The following WDR70 variants were observed in gnomAD, a reference collection of about 807,000 sequenced individuals.
The protein encoded by WDR70 is WD repeat-containing protein 70.
Under a neutral mutation model 88.6 loss-of-function variants are expected in WDR70, and 53 were observed. The observed-to-expected ratio is 0.60, with a 90% CI of 0.48 to 0.75. The LOEUF (loss-of-function observed/expected upper bound fraction) is 0.75. Ranked by LOEUF, WDR70 falls within the 30% of genes least tolerant of loss-of-function variation. The pLI is 0.00. For synonymous variants in WDR70, 280 were observed against 270.0 expected (o/e 1.04, Z -0.36); for missense variants, 610 against 823.2 (o/e 0.74, Z 3.17).
At position 37,416,800 on chromosome 5, in the gene WDR70, A is replaced by G. The variant is rs191244895; in HGVS notation, c.492+20230A>G. On this transcript the variant is annotated intron_variant, in intron 5 of 17. Transcript: ENST00000265107. Reference sequence around the variant, plus strand: ...TTGCCATCTTGGCCAGGCTGGTCTCAAACTCCTCAAGTGATCTGCCAGCCT... The same window carrying G: ...TTGCCATCTTGGCCAGGCTGGTCTCGAACTCCTCAAGTGATCTGCCAGCCT... 3.1e-3 allele frequency among the ~76,000 whole-genome samples: 477 copies of G among 152,066 alleles called. 1 individual carries two copies. Among genetic ancestry groups the G allele is most frequent in the African/African-American group, 0.011 (447 of 41,490 alleles).
intron 9 of WDR70, among the ~76,000 whole-genome samples, chr5:37,573,656 G>T (rs551249966): frequency 2.9e-4 from 44 of 151,270 alleles, no homozygotes; most frequent in African/African-American, 1.1e-3. Flanking sequence ...TTGCGATAGT[G>T]CCTCTTTTTT....
At chr5:37,723,361 C>T (rs898012813) in intron 15 of WDR70, 2 of 181,778 alleles carry the variant, frequency 1.1e-5, no homozygotes, top group Admixed American at 1.1e-4. Context: ...GGGTCTCTTC[C>T]AGCTTTCTCT....
At chr5:37,603,253 T>C (rs1300170552) in intron 9 of WDR70, among the ~76,000 whole-genome samples, 1 of 151,858 alleles carries the variant, frequency 6.6e-6, no homozygotes, top group African/African-American at 2.4e-5. Context: ...GATTTCAAAA[T>C]AAAAGCTATT....
intron 9 of WDR70, among the ~76,000 whole-genome samples, chr5:37,566,403 T>G (rs1388516800): frequency 1.3e-5 from 2 of 152,112 alleles, no homozygotes; most frequent in Non-Finnish European, 2.9e-5. Flanking sequence ...TACCTCTTGT[T>G]TTTGTTTTGA....
intron 5 of WDR70, among the ~76,000 whole-genome samples, chr5:37,423,745 T>C (rs1033688053): frequency 2.7e-5 from 4 of 150,366 alleles, no homozygotes; most frequent in Admixed American, 2.6e-4. Context: ...TGTGTATTTT[T>C]AGTAGAGATG....
rs185710961 is a variant in WDR70 at position 37,525,312 on chromosome 5, A to G, written c.917+8722A>G. On this transcript the variant is annotated intron_variant, in intron 9 of 17. Transcript: ENST00000265107. ...CCACAGTGCAATCAAACTAGAACTC[A>G]GGATTAAGAAACTCACTCAAAACCG... Among the ~76,000 whole-genome samples, 25 of 152,354 alleles carry G rather than the reference A, an allele frequency of 1.6e-4. 1 individual carries two copies. Among genetic ancestry groups the G allele is most frequent in the Admixed American group, 1.2e-3 (19 of 15,310 alleles).
chr5:37,611,727 G>A (rs1448952177), intron 10 of WDR70, among the ~76,000 whole-genome samples: 2 of 149,778 alleles, frequency 1.3e-5, no homozygotes, highest in Non-Finnish European at 3.0e-5. Context: ...GAAGATGCGT[G>A]AAGAACTCAT....
At chr5:37,747,105 G>A (rs572906619) in intron 17 of WDR70, among the ~76,000 whole-genome samples, 2 of 152,108 alleles carry the variant, frequency 1.3e-5, no homozygotes, top group African/African-American at 4.8e-5. Flanking sequence ...GGGATGCAAG[G>A]CTGGTTCAAC....
At chr5:37,721,473 G>A in intron 14 of WDR70, 2 of 504,114 alleles carry the variant, frequency 4.0e-6, no homozygotes, top group Non-Finnish European at 7.2e-6. Flanking sequence ...TTGAGTGCAA[G>A]GGGGAAAAAC....
intron 10 of WDR70, among the ~76,000 whole-genome samples, chr5:37,687,213 C>G (rs1478995196): frequency 6.6e-6 from 1 of 152,088 alleles, no homozygotes; most frequent in African/African-American, 2.4e-5. Flanking sequence ...TCACCTTTGT[C>G]TCTTTTTCCT....
chr5:37,492,687 G>A (rs1740101623), intron 8 of WDR70, among the ~76,000 whole-genome samples: 1 of 152,096 alleles, frequency 6.6e-6, no homozygotes, highest in South Asian at 2.1e-4. Flanking sequence ...TGAATATATA[G>A]GCAAGGAGAT....
chr5:37,626,776 A>C, intron 10 of WDR70, among the ~76,000 whole-genome samples: 1 of 152,148 alleles, frequency 6.6e-6, no homozygotes, highest in South Asian at 2.1e-4. Flanking sequence ...AAGACCTTTT[A>C]CTACTGATTC....
chr5:37,496,333 C>G (rs573849717), intron 8 of WDR70, among the ~76,000 whole-genome samples: 1 of 152,148 alleles, frequency 6.6e-6, no homozygotes, highest in Non-Finnish European at 1.5e-5. Context: ...ACTCTGGGTC[C>G]GCACTACCTT....
intron 7 of WDR70, among the ~76,000 whole-genome samples, chr5:37,469,683 G>A (rs1210094063): frequency 2.6e-5 from 4 of 152,186 alleles, no homozygotes; most frequent in Admixed American, 2.0e-4. Context: ...TACTCTTTGC[G>A]TTGTAGGAGC....
At chr5:37,548,337 A>G (rs1206964445) in intron 9 of WDR70, among the ~76,000 whole-genome samples, 1 of 152,158 alleles carries the variant, frequency 6.6e-6, no homozygotes, top group African/African-American at 2.4e-5. Flanking sequence ...AAACCATTTT[A>G]ACTGGGGTGA....
intron 10 of WDR70, among the ~76,000 whole-genome samples, chr5:37,680,935 TAG>T (rs1746412359): frequency 3.9e-5 from 6 of 152,158 alleles, no homozygotes; most frequent in Admixed American, 3.9e-4. Flanking sequence ...AATGTTAAAA[TAG>T]AAATAGTTTT....
At chr5:37,704,620 C>T (rs1219511250) in intron 13 of WDR70, among the ~76,000 whole-genome samples, 1 of 152,118 alleles carries the variant, frequency 6.6e-6, no homozygotes, top group Non-Finnish European at 1.5e-5. Flanking sequence ...CTTCTTCTAC[C>T]AGGATGTAAG....
At chr5:37,390,555 T>C (rs188437365) in intron 3 of WDR70, among the ~76,000 whole-genome samples, 1 of 151,964 alleles carries the variant, frequency 6.6e-6, no homozygotes, top group Non-Finnish European at 1.5e-5. Context: ...TTAGCCGGGA[T>C]GGTCTCGATC....
chr5:37,738,040 A>AC (rs533379395), intron 17 of WDR70, among the ~76,000 whole-genome samples: 358 of 151,736 alleles, frequency 2.4e-3, no homozygotes, highest in Middle Eastern at 0.014. Flanking sequence ...AAAAAAAAAA[A>AC]AAACAAACAA....
Sources: allele counts gnomAD v4.1 joint callset (sites outside exome capture counted in the v4.1 genomes callset), GRCh38; gene constraint gnomAD v4.1.1; transcripts MANE v1.5; gene names NCBI Gene and HGNC (gene_info 2026-07-23, HGNC 2026-07-21).